MDH1B: variants seen among roughly 807,000 people sequenced by gnomAD.
MDH1B encodes the protein malate dehydrogenase 1B, also known as putative malate dehydrogenase 1B.
MDH1B carries 60 observed loss-of-function variants against 61.4 expected under a neutral mutation model. That is an observed-to-expected ratio of 0.98 (90% CI 0.79 to 1.21). The LOEUF is 1.21. Ranked by LOEUF, MDH1B falls within the 50% of genes most tolerant of loss-of-function variation. The pLI is 0.00. For synonymous variants in MDH1B, 236 were observed against 218.7 expected (o/e 1.08, Z -0.70); for missense variants, 587 against 632.1 (o/e 0.93, Z 0.76).
rs1687594594 is a variant in MDH1B, at chr2:206,738,129, G to A, written c.*354C>T. 1 of 175,368 alleles carries A rather than the reference G, an allele frequency of 5.7e-6. No homozygotes were observed. Among genetic ancestry groups the A allele is most frequent in the African/African-American group, 2.4e-5 (1 of 42,334 alleles). 10.9% of individuals were successfully genotyped at this position (175,368 alleles called of 1,614,324 possible). ...ACATTTGAGCAAACATGGCCACTTAGGTGCAGGTCTTAGGTATGGCTGATG... is the reference window on the plus strand; with the variant it reads ...ACATTTGAGCAAACATGGCCACTTAAGTGCAGGTCTTAGGTATGGCTGATG... On this transcript the variant is annotated 3_prime_UTR_variant, in exon 12 of 12. Coordinates refer to ENST00000374412, the MANE Select transcript of MDH1B (RefSeq NM_001039845.3).
At chr2:206,738,544 A>T in intron 11 of MDH1B, 33 bp from the exon 12 acceptor site, 1 of 1,518,986 alleles carries the variant, frequency 6.6e-7, no homozygotes, top group Non-Finnish European at 9.0e-7. Context: ...AGACATAACT[A>T]TTTCCAAAAT....
chr2:206,742,475 C>G (rs1331714307), intron 9 of MDH1B, among the ~76,000 whole-genome samples: 3 of 152,138 alleles, frequency 2.0e-5, no homozygotes, highest in African/African-American at 7.2e-5. Flanking sequence ...CTGTCATCAG[C>G]CTTTCCACCT....
chr2:206,757,166 G>T, intron 3 of MDH1B, 71 bp downstream of exon 3: 1 of 1,531,130 alleles, frequency 6.5e-7, no homozygotes, highest in Non-Finnish European at 8.9e-7. Flanking sequence ...GTCTCAGAAA[G>T]CAAGATATTT....
rs1168123328 is a variant in MDH1B at position 206,741,040 on chromosome 2, C to A, written c.1459+14G>T. The A allele has an allele frequency of 6.8e-6, 11 of 1,612,848 alleles. No individual in the cohort carries two copies. The East Asian group carries it at 1.6e-4, about 23-fold the overall frequency. On this transcript the variant is annotated intron_variant, in intron 10 of 11. Transcript: ENST00000374412. Reference sequence around the variant, plus strand: ...TTAGCAATATAGACATTGTTTATAACCCCACTGACTTACCATCTGACATAG... The same window carrying A: ...TTAGCAATATAGACATTGTTTATAAACCCACTGACTTACCATCTGACATAG...
intron 11 of MDH1B, among the ~76,000 whole-genome samples, chr2:206,738,750 C>T (rs4675634): frequency 0.089 from 13,527 of 152,088 alleles, 1,489 homozygotes; most frequent in East Asian, 0.5. Context: ...TGTGCTCTCT[C>T]CTGTCACCTT....
chr2:206,745,158 A>G (rs1294534232), intron 9 of MDH1B, among the ~76,000 whole-genome samples: 2 of 152,112 alleles, frequency 1.3e-5, no homozygotes, highest in Non-Finnish European at 2.9e-5. Flanking sequence ...TGAAGAGGGA[A>G]GCACAGGTTG....
At chr2:206,749,231 G>C (rs759474089) in intron 6 of MDH1B, 48 bp from the exon 7 acceptor site, 3 of 1,558,006 alleles carry the variant, frequency 1.9e-6, no homozygotes, top group South Asian at 2.3e-5. Context: ...AGGAATTAAA[G>C]AGAAAAAGGA....
chr2:206,749,640 T>C (rs1688321176), intron 6 of MDH1B, among the ~76,000 whole-genome samples: 1 of 152,222 alleles, frequency 6.6e-6, no homozygotes, highest in Non-Finnish European at 1.5e-5. Flanking sequence ...CACAATGAAA[T>C]ATCATGAGGA....
At chr2:206,757,129 A>C (rs1688809911) in intron 3 of MDH1B, 89 bp from the exon 4 acceptor site, 3 of 1,530,858 alleles carry the variant, frequency 2.0e-6, no homozygotes, top group African/African-American at 2.8e-5. Context: ...TAAAGTCAAA[A>C]GACAATAAAA....
intron 7 of MDH1B, 95 bp from the exon 8 acceptor site, chr2:206,746,521 A>G (rs1433900412): frequency 2.3e-6 from 3 of 1,287,700 alleles, no homozygotes; most frequent in African/African-American, 3.1e-5. Context: ...GACATAGTAT[A>G]GGATTTTTAA....
chr2:206,741,243 T>G, intron 9 of MDH1B, 139 bp from the exon 10 acceptor site: 1 of 1,110,136 alleles, frequency 9.0e-7, no homozygotes, highest in Non-Finnish European at 1.3e-6. Flanking sequence ...TACATTATAG[T>G]CCAATGTGTA....
Position 206,739,635 on chromosome 2 carries a change from G to A in MDH1B, c.1486C>T (p.Gln496Ter). The A allele has an allele frequency of 6.2e-7, 1 of 1,614,036 alleles. No homozygotes were observed. The highest frequency in any genetic ancestry group is 1.3e-5 in the African/African-American group (1 of 75,054). ...CTCTGTGGCTTTTCAAAGGTGGTTT[G>A]AGGAATCTGATTTGGAAACTCTGCT... The part of the protein sequence containing the change: ...DAAEFPNQIP[Q>*]TTFEKPQSLE... The change falls in exon 11 of 12, where the codon CAA becomes TAA. Residue 496 changes from glutamine (Q) to a stop codon, truncating the protein, a stop_gained. Transcript: ENST00000374412. LOFTEE classifies it low-confidence loss of function (END_TRUNC).
intron 2 of MDH1B, 26 bp from the exon 3 acceptor site, chr2:206,757,397 T>C: frequency 6.2e-7 from 1 of 1,602,622 alleles, no homozygotes; most frequent in Non-Finnish European, 8.5e-7. Context: ...CCAAGTGAAG[T>C]CATATATTAA....
At position 206,757,309 on chromosome 2, in the gene MDH1B, C is replaced by T; in HGVS notation, c.198G>A (p.Trp66Ter). The stretch of plus-strand genomic sequence containing the variant: ...TTCCTCCACGATCCAACAGCTCTCT[C>T]CAGATGATAGGGGAATTCTTGTGAC... Reference protein sequence around the residue: ...KWSHKNSPIIWRELLDRGGKG... With the variant: ...KWSHKNSPII The change falls in exon 3 of 12, where the codon TGG (tryptophan) becomes TGA (stop). Residue 66 changes from tryptophan to a stop codon, truncating the protein, a stop_gained. Transcript: ENST00000374412. LOFTEE classifies it high-confidence loss of function. 6.2e-7 allele frequency: 1 copy of T among 1,613,968 alleles called. No individual in the cohort carries two copies. Among genetic ancestry groups the T allele is most frequent in the South Asian group, 1.1e-5 (1 of 91,076 alleles).
In MDH1B at chr2:206,743,834, C is replaced by G. The variant is rs1365006547; in HGVS notation, c.1408+1788G>C. Among the ~76,000 whole-genome samples the G allele has an allele frequency of 4.6e-5, 7 of 152,074 alleles. No individual in the cohort carries two copies. In the South Asian group the frequency reaches 1.0e-3, roughly 23 times the overall value. On this transcript the variant is annotated intron_variant, in intron 9 of 11. Coordinates refer to ENST00000374412, the MANE Select transcript of MDH1B (RefSeq NM_001039845.3). Reference sequence around the variant, plus strand: ...TGCCCAGTTGTTCAGCCAGAAGAACCCTGGGATTCACCAAAGCCAATCAGA... The same window carrying G: ...TGCCCAGTTGTTCAGCCAGAAGAACGCTGGGATTCACCAAAGCCAATCAGA...
At chr2:206,748,778 C>T (rs987088218) in intron 7 of MDH1B, among the ~76,000 whole-genome samples, 1 of 152,224 alleles carries the variant, frequency 6.6e-6, no homozygotes, top group African/African-American at 2.4e-5. Context: ...GTTTATTCCA[C>T]TGTAGGTTTC....
chr2:206,740,035 T>C (rs1687720825), intron 10 of MDH1B, among the ~76,000 whole-genome samples: 1 of 152,220 alleles, frequency 6.6e-6, no homozygotes, highest in African/African-American at 2.4e-5. Flanking sequence ...ACAGACTAAA[T>C]TATTATTTTT....
chr2:206,746,989 T>G (rs760579403), intron 7 of MDH1B, among the ~76,000 whole-genome samples: 1 of 152,198 alleles, frequency 6.6e-6, no homozygotes, highest in Non-Finnish European at 1.5e-5. Flanking sequence ...ATTTAATTTC[T>G]TTAAGATATA....
At chr2:206,750,373 GGCT>G (rs1296792982) in intron 6 of MDH1B, among the ~76,000 whole-genome samples, 1 of 142,618 alleles carries the variant, frequency 7.0e-6, no homozygotes, top group African/African-American at 2.6e-5. Context: ...GTTACAGAGA[GGCT>G]GCTTAGCCTC....
Sources: allele counts gnomAD v4.1 joint callset (sites outside exome capture counted in the v4.1 genomes callset), GRCh38; gene constraint gnomAD v4.1.1; transcripts MANE v1.5; gene names NCBI Gene and HGNC (gene_info 2026-07-23, HGNC 2026-07-21).